Variants in ABCG8 observed in about 807,000 individuals in gnomAD.
The protein encoded by ABCG8 is ATP binding cassette subfamily G member 8, also known as ATP-binding cassette sub-family G member 8.
ABCG8 carries 81 observed loss-of-function variants against 71.3 expected under a neutral mutation model. That is an observed-to-expected ratio of 1.14 (90% CI 0.95 to 1.37). ABCG8 has a LOEUF of 1.37. ABCG8 is among the 40% of genes most tolerant of loss of function. The pLI, the probability that ABCG8 is intolerant of heterozygous loss-of-function variation, is 0.00. For missense variants in ABCG8, 1,119 were observed against 866.2 expected (o/e 1.29, Z -3.66); for synonymous variants, 451 against 354.7 (o/e 1.27, Z -3.05).
In ABCG8 at chr2:43,856,780, A is replaced by T. The variant is rs1669124847; in HGVS notation, c.964+3912A>T. Among the ~76,000 whole-genome samples the T allele has an allele frequency of 2.0e-5, 3 of 151,712 alleles. No individual in the cohort carries two copies. In the South Asian group the frequency reaches 6.2e-4, roughly 32 times the overall value. Reference sequence around the variant, plus strand: ...TGGATAGAATTCTCACTCTAGATAAAACTCTCACTATCTATCTGGATAGAA... The same window carrying T: ...TGGATAGAATTCTCACTCTAGATAATACTCTCACTATCTATCTGGATAGAA... On this transcript the variant is annotated intron_variant, in intron 6 of 12. Coordinates refer to ENST00000272286, the MANE Select transcript of ABCG8 (RefSeq NM_022437.3).
At chr2:43,865,977 G>C (rs2104937891) in intron 6 of ABCG8, among the ~76,000 whole-genome samples, 1 of 151,954 alleles carries the variant, frequency 6.6e-6, no homozygotes, top group South Asian at 2.1e-4. Context: ...AAACATCATG[G>C]TACTGGTACC....
chr2:43,875,118 A>G, intron 10 of ABCG8, 28 bp from the exon 11 acceptor site: 1 of 1,614,134 alleles, frequency 6.2e-7, no homozygotes, highest in Non-Finnish European at 8.5e-7. Context: ...TGCTGGCTTC[A>G]TATCCTTGCA....
At chr2:43,858,446 C>G (rs547055250) in intron 6 of ABCG8, among the ~76,000 whole-genome samples, 12 of 151,552 alleles carry the variant, frequency 7.9e-5, no homozygotes, top group Non-Finnish European at 1.8e-4. Flanking sequence ...AGAACTCTCA[C>G]TATATATCTG....
intron 1 of ABCG8, among the ~76,000 whole-genome samples, chr2:43,841,429 T>C (rs952987637): frequency 6.6e-6 from 1 of 152,228 alleles, no homozygotes; most frequent in Non-Finnish European, 1.5e-5. Context: ...GAATAGATAC[T>C]TAAGTATTTG....
At chr2:43,865,655 C>G (rs554702002) in intron 6 of ABCG8, among the ~76,000 whole-genome samples, 167 of 149,748 alleles carry the variant, frequency 1.1e-3, no homozygotes, top group Non-Finnish European at 1.6e-3. Flanking sequence ...AACTCTCACT[C>G]TCTCTCTGGA....
In ABCG8 at chr2:43,839,030, C is replaced by A; in HGVS notation, c.-24C>A. ...AGCTGGGTCTAAGAGAGCTGCAGCC[C>A]AGGGTCACAGACCTGTGGGCCCCAT... On this transcript the variant is annotated 5_prime_UTR_variant, in exon 1 of 13. Transcript: ENST00000272286. 1 of 1,550,056 alleles carries A rather than the reference C, an allele frequency of 6.5e-7. No homozygotes were observed. The highest frequency in any genetic ancestry group is 1.2e-5 in the South Asian group (1 of 83,966).
intron 6 of ABCG8, among the ~76,000 whole-genome samples, chr2:43,864,670 C>A (rs1341035115): frequency 6.6e-6 from 1 of 151,628 alleles, no homozygotes; most frequent in Admixed American, 6.6e-5. Context: ...AATTCTCAAT[C>A]TCTGCATAGA....
intron 6 of ABCG8, among the ~76,000 whole-genome samples, chr2:43,867,457 G>C (rs552929323): frequency 2.0e-5 from 3 of 151,608 alleles, no homozygotes; most frequent in Non-Finnish European, 4.4e-5. Context: ...CTCACCATCT[G>C]GATAGAACTC....
At chr2:43,877,347 GGAATATGGGGAGATCGTGC>G (rs1401009777) in intron 11 of ABCG8, among the ~76,000 whole-genome samples, 195 bp from the exon 12 acceptor site, 4 of 151,484 alleles carry the variant, frequency 2.6e-5, no homozygotes, top group African/African-American at 9.7e-5. Flanking sequence ...GGAGATCGTG[GGAATATGGGGAGATCGTGC>G]GAATATGGGG....
intron 4 of ABCG8, 59 bp downstream of exon 4, chr2:43,851,881 C>A: frequency 6.4e-7 from 1 of 1,562,648 alleles, no homozygotes; most frequent in Non-Finnish European, 8.8e-7. Flanking sequence ...GTCCATGCCC[C>A]GCTCCTCCCC....
chr2:43,846,758 A>G (rs1668755526), intron 3 of ABCG8: 1 of 233,288 alleles, frequency 4.3e-6, no homozygotes, highest in African/African-American at 2.2e-5. Context: ...ACTTAGCACA[A>G]CTTTCACTCA....
intron 8 of ABCG8, 87 bp from the exon 9 acceptor site, chr2:43,873,700 A>G (rs534286504): frequency 2.1e-6 from 3 of 1,395,652 alleles, no homozygotes; most frequent in South Asian, 1.2e-5. Flanking sequence ...TAGGAGAAAA[A>G]TGAGGCTTAT....
chr2:43,872,666 G>T, intron 8 of ABCG8, among the ~76,000 whole-genome samples: 1 of 152,154 alleles, frequency 6.6e-6, no homozygotes, highest in East Asian at 1.9e-4. Flanking sequence ...AGCCGTGATT[G>T]CACCTTCACT....
In ABCG8 at chr2:43,844,422, C is replaced by T. The variant is rs143455302; in HGVS notation, c.64-85C>T. The T allele has an allele frequency of 1.8e-3, 1,932 of 1,092,132 alleles. 3 individuals carry two copies. The highest frequency in any genetic ancestry group is 2.2e-3 in the Non-Finnish European group (1,561 of 719,906). The allele number at this position is 1,092,132 out of a possible 1,614,324, so 67.7% of individuals were successfully genotyped here. Reference sequence around the variant, plus strand: ...TAACCACGTCGGCTCTAAGAAGTTGCTCTCACCTGTTGGTTTCCTTCTTGT... The same window carrying T: ...TAACCACGTCGGCTCTAAGAAGTTGTTCTCACCTGTTGGTTTCCTTCTTGT... On this transcript the variant is annotated intron_variant, in intron 1 of 12. Coordinates refer to ENST00000272286, the MANE Select transcript of ABCG8 (RefSeq NM_022437.3).
At chr2:43,852,201 C>G (rs1297677594) in intron 4 of ABCG8, among the ~76,000 whole-genome samples, 153 bp from the exon 5 acceptor site, 2 of 152,222 alleles carry the variant, frequency 1.3e-5, no homozygotes, top group Non-Finnish European at 2.9e-5. Context: ...ATCAGGGGAA[C>G]CAATGTTGCA....
chr2:43,852,807 C>G lies in ABCG8; in HGVS notation c.903C>G (p.Val301=), dbSNP rs1442277428. Residue 301 remains valine (V), a synonymous_variant, in exon 6 of 13, where the codon GTC becomes GTG. Coordinates refer to ENST00000272286, the MANE Select transcript of ABCG8 (RefSeq NM_022437.3). ...ACTTAGGGGCGGCCCAGCACATGGT[C>G]CAGTATTTCACAGCCATCGGCTACC... ...PIYLGAAQHM[V]QYFTAIGYPC... The G allele has an allele frequency of 9.9e-6, 16 of 1,614,026 alleles. No homozygotes were observed. The highest frequency in any genetic ancestry group is 1.3e-5 in the Non-Finnish European group (15 of 1,180,034).
rs751787457 is a variant in ABCG8, at chr2:43,844,524, G to T, written c.81G>T (p.Leu27Phe). 4 of 1,614,014 alleles carry T rather than the reference G, an allele frequency of 2.5e-6. No homozygotes were observed. Among genetic ancestry groups the T allele is most frequent in the Middle Eastern group, 1.6e-4 (1 of 6,084 alleles). The change falls in exon 2 of 13, where the codon TTG (leucine) becomes TTT (phenylalanine). Residue 27 changes from leucine to phenylalanine, a missense_variant. Leu to Phe is a conservative substitution (Grantham distance 22, BLOSUM62 0). Transcript: ENST00000272286. ...PQDTSGLQDR[L>F]FSSESDNSLY... ...TCCCACAGGGCCTCCAGGATAGATTGTTCTCCTCTGAAAGTGACAACAGCC... is the reference window on the plus strand; with the variant it reads ...TCCCACAGGGCCTCCAGGATAGATTTTTCTCCTCTGAAAGTGACAACAGCC...
chr2:43,861,264 A>C (rs1669307272), intron 6 of ABCG8, among the ~76,000 whole-genome samples: 1 of 150,758 alleles, frequency 6.6e-6, no homozygotes, highest in African/African-American at 2.4e-5. Flanking sequence ...AACTCTTACT[A>C]CTTGGAAAGA....
intron 6 of ABCG8, among the ~76,000 whole-genome samples, chr2:43,862,066 G>A (rs1001238927): frequency 8.0e-5 from 12 of 150,900 alleles, no homozygotes; most frequent in African/African-American, 2.9e-4. Flanking sequence ...CTCACTAACT[G>A]GATAGAATTC....
Sources: gnomAD v4.1 joint callset for allele counts (sites outside exome capture counted in the v4.1 genomes callset) on GRCh38, gnomAD v4.1.1 for gene constraint, MANE v1.5 for transcripts, NCBI Gene and HGNC (gene_info 2026-07-23, HGNC 2026-07-21) for gene names.